The following PRKG1 variants were observed in gnomAD, a reference collection of about 807,000 sequenced individuals.
PRKG1 encodes the protein cGMP-dependent protein kinase 1.
In PRKG1, 35 loss-of-function variants were observed where a neutral mutation model predicts 88.1. The ratio of observed to expected loss-of-function variants is 0.40; its 90% confidence interval spans 0.30 to 0.53. PRKG1 has a LOEUF of 0.53. PRKG1 is among the 20% of genes least tolerant of loss of function. The pLI, the probability that PRKG1 is intolerant of heterozygous loss-of-function variation, is 0.59. For synonymous variants in PRKG1, 303 were observed against 292.5 expected, an observed-to-expected ratio of 1.04 and a Z score of -0.37; for missense variants, 540 against 839.8, an observed-to-expected ratio of 0.64 and a Z score of 4.41.
intron 2 of PRKG1, among the ~76,000 whole-genome samples, chr10:51,158,637 C>T (rs1239848860): frequency 6.6e-6 from 1 of 151,870 alleles, no homozygotes; most frequent in Non-Finnish European, 1.5e-5. Context: ...GCATCCATTC[C>T]TCTTCTCTTA....
At chr10:51,406,901 G>A (rs868375896) in intron 2 of PRKG1, among the ~76,000 whole-genome samples, 20 of 152,268 alleles carry the variant, frequency 1.3e-4, no homozygotes, top group South Asian at 8.3e-4. Flanking sequence ...ACAATCAGCC[G>A]TCTGCAAGCT....
chr10:51,541,362 C>T (rs1042606402), intron 3 of PRKG1, among the ~76,000 whole-genome samples: 1 of 152,178 alleles, frequency 6.6e-6, no homozygotes, highest in Admixed American at 6.5e-5. Context: ...AGGCCACAGA[C>T]CTGTACAGGT....
intron 3 of PRKG1, among the ~76,000 whole-genome samples, chr10:51,668,793 C>A (rs976066799): frequency 3.3e-5 from 5 of 152,084 alleles, no homozygotes; most frequent in Non-Finnish European, 5.9e-5. Context: ...CTCAAATGAT[C>A]CTGACCTATT....
intron 3 of PRKG1, among the ~76,000 whole-genome samples, chr10:51,728,809 G>A (rs1209955852): frequency 2.0e-5 from 3 of 152,104 alleles, no homozygotes; most frequent in Non-Finnish European, 4.4e-5. Flanking sequence ...TGGCAAGGGG[G>A]CTAACAAGTT....
rs531225383 is a variant in PRKG1, at chr10:51,742,061, G to A, written c.593-62524G>A. 2.2e-3 allele frequency among the ~76,000 whole-genome samples: 330 copies of A among 152,254 alleles called. 2 individuals carry two copies. The highest frequency in any genetic ancestry group is 3.5e-3 in the Non-Finnish European group (240 of 68,028). On this transcript the variant is annotated intron_variant, in intron 3 of 17. Coordinates refer to ENST00000373980, the MANE Select transcript of PRKG1 (RefSeq NM_006258.4). ...CATCCATCCAAAGCATTTGTCTGTG[G>A]CATTATTGTGATCTTGTGAGATAAC...
At chr10:51,123,611 G>A (rs1021175924) in intron 1 of PRKG1, among the ~76,000 whole-genome samples, 2 of 151,764 alleles carry the variant, frequency 1.3e-5, no homozygotes, top group African/African-American at 2.4e-5. Context: ...ACTTCCACCC[G>A]GGAGGTGGAG....
rs1031333734 is a variant in PRKG1 at position 50,991,872 on chromosome 10, G to C, written c.266+228G>C. Among the ~76,000 whole-genome samples, 1 of 152,182 alleles carries C rather than the reference G, an allele frequency of 6.6e-6. No homozygotes were observed. The highest frequency in any genetic ancestry group is 2.4e-5 in the African/African-American group (1 of 41,460). On this transcript the variant is annotated intron_variant, in intron 1 of 17. Coordinates refer to the PRKG1 transcript ENST00000401604. This position sits in a 1 kb window ranked among gnomAD's most constrained non-coding sequence, Gnocchi z 4.5. ...GGGCTGGGAAAGGCGAGCTGCACGG[G>C]GAGACGCGCCCCTGTGGCGTGGGGG...
intron 3 of PRKG1, among the ~76,000 whole-genome samples, chr10:51,664,103 T>C (rs1398211629): frequency 6.6e-6 from 1 of 152,126 alleles, no homozygotes; most frequent in Non-Finnish European, 1.5e-5. Context: ...TGGGTTCATT[T>C]TGCTGGAATA....
At chr10:52,064,750 G>T (rs575041712) in intron 7 of PRKG1, among the ~76,000 whole-genome samples, 1 of 152,290 alleles carries the variant, frequency 6.6e-6, no homozygotes, top group South Asian at 2.1e-4. Context: ...ACTCAGAAGG[G>T]GTGGGGGTCC....
intron 2 of PRKG1, among the ~76,000 whole-genome samples, chr10:51,339,149 C>T (rs373872787): frequency 6.6e-5 from 10 of 152,118 alleles, no homozygotes; most frequent in African/African-American, 2.2e-4. Flanking sequence ...ATACTTGAAA[C>T]ATAAGAAATA....
chr10:51,216,556 T>C (rs910330690), intron 2 of PRKG1, among the ~76,000 whole-genome samples: 3 of 152,194 alleles, frequency 2.0e-5, no homozygotes, highest in Non-Finnish European at 2.9e-5. Flanking sequence ...GGTGTGAGGA[T>C]TGTGTGAATT....
chr10:51,300,109 C>T (rs1321659191), intron 2 of PRKG1, among the ~76,000 whole-genome samples: 1 of 152,150 alleles, frequency 6.6e-6, no homozygotes, highest in East Asian at 1.9e-4. Context: ...GAGAGTAGAA[C>T]CTTGTCTTTA....
intron 1 of PRKG1, among the ~76,000 whole-genome samples, chr10:51,105,304 T>A (rs1199578843): frequency 2.6e-5 from 4 of 152,242 alleles, no homozygotes; most frequent in African/African-American, 9.6e-5. Context: ...ACACCATTTA[T>A]GTAAAATCTC....
chr10:51,863,900 T>A (rs533532490), intron 4 of PRKG1, among the ~76,000 whole-genome samples: 1 of 152,310 alleles, frequency 6.6e-6, no homozygotes, highest in African/African-American at 2.4e-5. Context: ...TTATCAACAA[T>A]TTCCTGTATA....
At chr10:51,937,278 G>A (rs139439824) in intron 5 of PRKG1, among the ~76,000 whole-genome samples, 343 of 152,026 alleles carry the variant, frequency 2.3e-3, no homozygotes, top group African/African-American at 7.5e-3. Context: ...ATTCTATGCC[G>A]CTATGAGCTC....
chr10:51,126,490 A>C (rs1845425169), intron 1 of PRKG1, among the ~76,000 whole-genome samples: 1 of 143,958 alleles, frequency 6.9e-6, no homozygotes, highest in Non-Finnish European at 1.5e-5. Context: ...CTATTTATAA[A>C]TGTATAAATT....
chr10:51,903,359 T>C (rs1842020860), intron 4 of PRKG1, among the ~76,000 whole-genome samples: 2 of 151,480 alleles, frequency 1.3e-5, no homozygotes, highest in Non-Finnish European at 3.0e-5. Flanking sequence ...AGATTTATAG[T>C]TAATTTTGTT....
chr10:51,386,784 T>G (rs1026692377), intron 2 of PRKG1, among the ~76,000 whole-genome samples: 1 of 151,768 alleles, frequency 6.6e-6, no homozygotes. Flanking sequence ...ACAGCACTCT[T>G]GTATTCTTAT....
At chr10:51,992,340 CTAAG>C (rs1423550610) in intron 5 of PRKG1, among the ~76,000 whole-genome samples, 2 of 151,958 alleles carry the variant, frequency 1.3e-5, no homozygotes, top group East Asian at 1.9e-4. Context: ...CTGATCTAGA[CTAAG>C]TATTTCCTGT....
Sources: allele counts gnomAD v4.1 joint callset (sites outside exome capture counted in the v4.1 genomes callset), GRCh38; gene constraint gnomAD v4.1.1; non-coding constraint Gnocchi (gnomAD v3.1); transcripts MANE v1.5; gene names NCBI Gene and HGNC (gene_info 2026-07-23, HGNC 2026-07-21).